Variants in GP6 observed in about 807,000 individuals in gnomAD.
GP6 encodes the protein platelet glycoprotein VI.
In GP6, 45 loss-of-function variants were observed where a neutral mutation model predicts 37.3. That is an observed-to-expected ratio of 1.21 (90% CI 0.95 to 1.55). The LOEUF is 1.55. GP6 is among the 40% of genes most tolerant of loss of function. GP6 has a pLI of 0.00. For missense variants in GP6, 813 were observed against 760.2 expected, an observed-to-expected ratio of 1.07 and a Z score of -0.82; for synonymous variants, 340 against 316.4, an observed-to-expected ratio of 1.07 and a Z score of -0.79.
At chr19:55,025,570 G>T (rs912174056) in intron 4 of GP6, among the ~76,000 whole-genome samples, 87 of 152,082 alleles carry the variant, frequency 5.7e-4, no homozygotes, top group African/African-American at 2.0e-3. Flanking sequence ...GCCAGGCGTG[G>T]TGGTGTGCAC....
At position 55,015,689 on chromosome 19, in the gene GP6, G is replaced by C. The variant is rs746202039; in HGVS notation, c.769C>G (p.Pro257Ala). The C allele has an allele frequency of 1.3e-6, 2 of 1,572,170 alleles. No homozygotes were observed. Among genetic ancestry groups the C allele is most frequent in the African/African-American group, 1.3e-5 (1 of 74,448 alleles). The change falls in exon 7 of 8, where the codon CCA (proline) becomes GCA (alanine). Residue 257 changes from proline to alanine, a missense_variant. Transcript: ENST00000310373. ...GAGAGGATGACTTACTCACCAGCTG[G>C]AGAGTCTGACTCCTTTGGACTGGCG...
intron 1 of GP6, 84 bp downstream of exon 1, chr19:55,038,119 C>T: frequency 8.9e-7 from 1 of 1,120,188 alleles, no homozygotes; most frequent in Non-Finnish European, 1.3e-6. Context: ...AAATTCATCA[C>T]CAATGCAAAT....
chr19:55,024,877 TGTTGGTTGGTTG>T (rs10526819), intron 5 of GP6, among the ~76,000 whole-genome samples: 429 of 150,704 alleles, frequency 2.8e-3, no homozygotes, highest in Non-Finnish European at 4.4e-3. Flanking sequence ...TCTACAGGTT[TGTTGGTTGGTTG>T]GTTGGTTGGT....
intron 1 of GP6, among the ~76,000 whole-genome samples, chr19:55,035,324 G>T (rs1169524264): frequency 6.6e-6 from 1 of 152,192 alleles, no homozygotes; most frequent in African/African-American, 2.4e-5. Context: ...GACAGTTTCA[G>T]TTGGACAAGA....
In GP6 at chr19:55,015,029, A is replaced by G; in HGVS notation, c.916T>C (p.Cys306Arg). The change falls in exon 8 of 8, where the codon TGT becomes CGT. Residue 306 changes from cysteine (C) to arginine (R), a missense_variant. Transcript: ENST00000310373. ...GGAGGGGCGGAAGCGGCCTCTGCAC[A>G]GCCCTGCCCCTGTGCCGCAGGCGCT... 4 of 1,611,602 alleles carry G rather than the reference A, an allele frequency of 2.5e-6. No individual in the cohort carries two copies. Among genetic ancestry groups the G allele is most frequent in the Non-Finnish European group, 3.4e-6 (4 of 1,179,120 alleles).
intron 3 of GP6, 52 bp from the exon 4 acceptor site, chr19:55,027,914 G>C: frequency 6.3e-7 from 1 of 1,577,568 alleles, no homozygotes; most frequent in Non-Finnish European, 8.7e-7. Context: ...CATCTCAGCT[G>C]AGACTGGGGA....
chr19:55,028,043 G>A (rs2074379801), intron 3 of GP6, among the ~76,000 whole-genome samples, 181 bp from the exon 4 acceptor site: 1 of 152,138 alleles, frequency 6.6e-6, no homozygotes, highest in Admixed American at 6.5e-5. Context: ...GAAGGAGGCT[G>A]TGCTCACGTC....
chr19:55,014,147 G>A lies in GP6; in HGVS notation c.1798C>T (p.Arg600Trp), dbSNP rs956465136. The change falls in exon 8 of 8, where the codon CGG (arginine) becomes TGG (tryptophan). Residue 600 changes from arginine to tryptophan, a missense_variant. Arg to Trp is a moderately radical substitution (Grantham distance 101). Transcript: ENST00000310373. ...GAGACAAAGTCAGGCTTCGTCACCC[G>A]AGCTAGAGTGCAGTGGTGTGATCTC... is the stretch of plus-strand genomic sequence containing the variant. The A allele has an allele frequency of 2.9e-5, 20 of 696,522 alleles. No individual in the cohort carries two copies. The highest frequency in any genetic ancestry group is 4.2e-5 in the Non-Finnish European group (16 of 381,442). 43.1% of individuals were successfully genotyped at this position (696,522 alleles called of 1,614,324 possible). A position where few individuals can be genotyped will look rare whatever the true frequency, so the allele number is the denominator to read the frequency against.
chr19:55,024,309 T>TGCACACATGCACGCACAC (rs1357661954), intron 5 of GP6, among the ~76,000 whole-genome samples: 2 of 129,950 alleles, frequency 1.5e-5, no homozygotes, highest in Non-Finnish European at 1.6e-5. Flanking sequence ...TGCACACACA[T>TGCACACATGCACGCACAC]ATGCACGCAC....
intron 5 of GP6, among the ~76,000 whole-genome samples, chr19:55,024,247 CAGA>C (rs1229255169): frequency 6.6e-6 from 1 of 151,996 alleles, no homozygotes; most frequent in Non-Finnish European, 1.5e-5. Context: ...AAAATTCAGT[CAGA>C]AGCACACGCA....
At chr19:55,025,303 C>T (rs1337130063) in intron 4 of GP6, 32 bp from the exon 5 acceptor site, 2 of 1,424,052 alleles carry the variant, frequency 1.4e-6, no homozygotes, top group Admixed American at 3.9e-5. Flanking sequence ...TAAATCTGTG[C>T]TCTGTCGCTG....
chr19:55,018,808 C>G, intron 5 of GP6, 97 bp from the exon 6 acceptor site: 3 of 841,490 alleles, frequency 3.6e-6, no homozygotes, highest in East Asian at 2.4e-5. Context: ...CCCTGAAACC[C>G]CTTTCTCTGA....
intron 3 of GP6, 74 bp downstream of exon 3, chr19:55,032,065 C>A (rs2074577594): frequency 6.8e-7 from 1 of 1,466,808 alleles, no homozygotes; most frequent in East Asian, 2.3e-5. Flanking sequence ...CTAATCCCTG[C>A]CCTCAATGTC....
intron 3 of GP6, among the ~76,000 whole-genome samples, chr19:55,031,564 G>A (rs921556878): frequency 6.6e-6 from 1 of 152,068 alleles, no homozygotes; most frequent in Non-Finnish European, 1.5e-5. Flanking sequence ...TGAAATTCTG[G>A]TTTTTTTCAT....
intron 5 of GP6, among the ~76,000 whole-genome samples, 175 bp downstream of exon 5, chr19:55,025,043 C>G (rs1280550341): frequency 6.6e-6 from 1 of 152,176 alleles, no homozygotes. Flanking sequence ...ATCTTAACAT[C>G]TAACTACTTA....
In GP6 at chr19:55,031,938, T is replaced by TC. The variant is rs1225658459; in HGVS notation, c.325+200dup. Among the ~76,000 whole-genome samples the TC allele has an allele frequency of 2.6e-5, 4 of 152,120 alleles. No homozygotes were observed. The East Asian group carries it at 7.7e-4, about 29-fold the overall frequency. ...CAGTGAGCCAAGATCGCGCCACTGC[T>TC]CTCCACCCTGGGTGACGCAGCAAGA... On this transcript the variant is annotated intron_variant, in intron 3 of 7. Transcript: ENST00000310373.
intron 1 of GP6, among the ~76,000 whole-genome samples, chr19:55,034,130 G>A (rs62122021): frequency 7.8e-6 from 1 of 128,710 alleles, no homozygotes; most frequent in Non-Finnish European, 1.7e-5. Context: ...GTATATGTAT[G>A]TATATGTATA....
intron 6 of GP6, among the ~76,000 whole-genome samples, chr19:55,018,047 G>A (rs934130934): frequency 5.4e-5 from 8 of 148,214 alleles, no homozygotes; most frequent in South Asian, 2.2e-4. Context: ...CAGCCTGGGC[G>A]ACAGAGCAAG....
rs572287614 is a variant in GP6 at position 55,019,763 on chromosome 19, T to C, written c.665-1052A>G. Among the ~76,000 whole-genome samples the C allele has an allele frequency of 3.0e-3, 449 of 150,678 alleles. 8 individuals are homozygous for C. Among genetic ancestry groups the C allele is most frequent in the African/African-American group, 0.01 (428 of 41,018 alleles). ...TGCAATCTCGGCTCACTGCAAGCTC[T>C]GCCTCCCGGGTTCACACCATTATCC... is the stretch of plus-strand genomic sequence containing the variant. On this transcript the variant is annotated intron_variant, in intron 5 of 7. Coordinates refer to ENST00000310373, the MANE Select transcript of GP6 (RefSeq NM_001083899.2).
Sources: gnomAD v4.1 joint callset for allele counts (sites outside exome capture counted in the v4.1 genomes callset) on GRCh38, gnomAD v4.1.1 for gene constraint, MANE v1.5 for transcripts, NCBI Gene and HGNC (gene_info 2026-07-23, HGNC 2026-07-21) for gene names.